JAZF1: variants seen among roughly 807,000 people sequenced by gnomAD.
JAZF1 encodes juxtaposed with another zinc finger protein 1.
In JAZF1, 8 loss-of-function variants were observed where a neutral mutation model predicts 26.4. The ratio of observed to expected loss-of-function variants is 0.30; its 90% CI spans 0.18 to 0.55. JAZF1 has a LOEUF of 0.55. Ranked by LOEUF, JAZF1 falls within the 20% of genes least tolerant of loss-of-function variation. The probability of loss-of-function intolerance (pLI) is 0.94; values close to 1 mark genes in which losing one functional copy is unlikely to be tolerated. For missense variants in JAZF1, 199 were observed against 322.0 expected, an observed-to-expected ratio of 0.62 and a Z score of 2.92; for synonymous variants, 126 against 122.3, an observed-to-expected ratio of 1.03 and a Z score of -0.20.
At chr7:28,021,087 C>T (rs1782999086) in intron 1 of JAZF1, among the ~76,000 whole-genome samples, 2 of 152,112 alleles carry the variant, frequency 1.3e-5, no homozygotes, top group African/African-American at 2.4e-5. Context: ...ACTAGTGCAC[C>T]TCAGAGGGCC....
chr7:27,874,131 T>G (rs1783632081), intron 3 of JAZF1, among the ~76,000 whole-genome samples: 1 of 152,202 alleles, frequency 6.6e-6, no homozygotes, highest in African/African-American at 2.4e-5. Flanking sequence ...GCCTTGCTGC[T>G]GAAGGTCCAA....
At chr7:27,906,666 T>C (rs982321673) in intron 2 of JAZF1, among the ~76,000 whole-genome samples, 19 of 152,344 alleles carry the variant, frequency 1.2e-4, no homozygotes, top group African/African-American at 4.3e-4. Context: ...TTTTCCGTCA[T>C]TGATGCCAAG....
chr7:27,918,410 AT>A (rs1207954521), intron 2 of JAZF1, among the ~76,000 whole-genome samples: 1 of 152,162 alleles, frequency 6.6e-6, no homozygotes, highest in East Asian at 1.9e-4. Context: ...TTTAGCACTT[AT>A]TTTATAATTG....
At chr7:28,140,668 C>A (rs546878760) in intron 1 of JAZF1, among the ~76,000 whole-genome samples, 16 of 152,264 alleles carry the variant, frequency 1.1e-4, no homozygotes, top group Admixed American at 3.3e-4. Context: ...CACATCATAG[C>A]ACATAGAGTC....
chr7:28,159,878 C>T (rs113123869), intron 1 of JAZF1, among the ~76,000 whole-genome samples: 4 of 152,052 alleles, frequency 2.6e-5, no homozygotes, highest in Admixed American at 6.6e-5. Context: ...AAATATTCAC[C>T]CAAGCCCTGA....
intron 1 of JAZF1, among the ~76,000 whole-genome samples, chr7:27,993,482 T>C (rs1785948737): frequency 6.6e-6 from 1 of 152,202 alleles, no homozygotes; most frequent in Non-Finnish European, 1.5e-5. Context: ...AAATTTGCTG[T>C]AATCCCAACA....
intron 4 of JAZF1, among the ~76,000 whole-genome samples, chr7:27,839,309 C>T (rs181917436): frequency 5.1e-4 from 78 of 152,334 alleles, no homozygotes; most frequent in Non-Finnish European, 2.5e-4. Context: ...TGGGGAGGAA[C>T]AGCTGGGGGA....
intron 1 of JAZF1, among the ~76,000 whole-genome samples, chr7:28,094,757 A>G (rs901330553): frequency 9.2e-5 from 14 of 152,140 alleles, no homozygotes; most frequent in Admixed American, 3.3e-4. Flanking sequence ...GCTTTTTAAA[A>G]ATTATTATTT....
At chr7:27,956,150 G>T (rs140151025) in intron 2 of JAZF1, among the ~76,000 whole-genome samples, 3 of 152,146 alleles carry the variant, frequency 2.0e-5, no homozygotes, top group African/African-American at 7.2e-5. Context: ...TCTTAAAGGC[G>T]TTTCACAAAA....
At chr7:28,126,136 C>A (rs2127939862) in intron 1 of JAZF1, among the ~76,000 whole-genome samples, 1 of 152,234 alleles carries the variant, frequency 6.6e-6, no homozygotes, top group East Asian at 1.9e-4. Flanking sequence ...GGATGTAGCC[C>A]CTTCATAATC....
chr7:28,003,844 C>T (rs1249776328), intron 1 of JAZF1, among the ~76,000 whole-genome samples: 1 of 152,006 alleles, frequency 6.6e-6, no homozygotes, highest in Non-Finnish European at 1.5e-5. Flanking sequence ...AAATTTAGGA[C>T]AAGCTGGGAG....
chr7:28,044,900 T>A (rs1391164689), intron 1 of JAZF1, among the ~76,000 whole-genome samples: 1 of 152,176 alleles, frequency 6.6e-6, no homozygotes, highest in Non-Finnish European at 1.5e-5. Flanking sequence ...TATGGTACTC[T>A]TGGGACTTTA....
intron 1 of JAZF1, among the ~76,000 whole-genome samples, chr7:28,117,737 C>T (rs1784769280): frequency 6.6e-6 from 1 of 152,130 alleles, no homozygotes; most frequent in African/African-American, 2.4e-5. Context: ...CTATGTTATT[C>T]AATTATTTAT....
intron 1 of JAZF1, among the ~76,000 whole-genome samples, chr7:28,117,711 C>T (rs527384531): frequency 6.6e-6 from 1 of 152,288 alleles, no homozygotes; most frequent in African/African-American, 2.4e-5. Context: ...CTAGACACTA[C>T]AGAGGTAAAT....
chr7:27,959,137 C>T (rs1322325826), intron 2 of JAZF1, among the ~76,000 whole-genome samples: 2 of 152,158 alleles, frequency 1.3e-5, no homozygotes, highest in Non-Finnish European at 2.9e-5. Flanking sequence ...TAGCTGTAAC[C>T]TGCCAAGGGA....
intron 2 of JAZF1, among the ~76,000 whole-genome samples, chr7:27,965,977 G>GTTTC (rs1441372345): frequency 2.6e-5 from 4 of 152,182 alleles, no homozygotes; most frequent in African/African-American, 9.7e-5. Flanking sequence ...GGATACATGT[G>GTTTC]TTTCTGTATT....
At chr7:27,970,096 G>C (rs1262330577) in intron 2 of JAZF1, among the ~76,000 whole-genome samples, 1 of 152,022 alleles carries the variant, frequency 6.6e-6, no homozygotes. Context: ...TAATAAACTA[G>C]ACACCTGGAA....
At chr7:28,035,128 C>T (rs1383011045) in intron 1 of JAZF1, among the ~76,000 whole-genome samples, 1 of 151,608 alleles carries the variant, frequency 6.6e-6, no homozygotes, top group African/African-American at 2.4e-5. Context: ...ACCAGCCTGG[C>T]CGACATGGTG....
chr7:28,021,611 C>A (rs1783008951), intron 1 of JAZF1, among the ~76,000 whole-genome samples: 1 of 152,114 alleles, frequency 6.6e-6, no homozygotes, highest in African/African-American at 2.4e-5. Context: ...GGACGTAGGA[C>A]AAACAAAGAC....
Sources: allele counts gnomAD v4.1 joint callset (sites outside exome capture counted in the v4.1 genomes callset), GRCh38; gene constraint gnomAD v4.1.1; transcripts MANE v1.5; gene names NCBI Gene and HGNC (gene_info 2026-07-23, HGNC 2026-07-21).